Variants in TM9SF4 observed in about 807,000 individuals in gnomAD.
TM9SF4 encodes the protein transmembrane 9 superfamily member 4.
Under a neutral mutation model 90.4 loss-of-function variants are expected in TM9SF4, and 26 were observed. The ratio of observed to expected loss-of-function variants is 0.29; its 90% confidence interval spans 0.21 to 0.40. The LOEUF (loss-of-function observed/expected upper bound fraction) is 0.40. Ranked by LOEUF, TM9SF4 falls within the 10% of genes least tolerant of loss-of-function variation. The pLI, the probability that TM9SF4 is intolerant of heterozygous loss-of-function variation, is 1.00. For synonymous variants in TM9SF4, 293 were observed against 315.4 expected (o/e 0.93, Z 0.75); for missense variants, 549 against 834.8 (o/e 0.66, Z 4.22).
intron 1 of TM9SF4, among the ~76,000 whole-genome samples, chr20:32,125,515 G>A (rs998535768): frequency 6.6e-6 from 1 of 152,060 alleles, no homozygotes; most frequent in Non-Finnish European, 1.5e-5. Flanking sequence ...TGCTAGAAGT[G>A]CACATTCTCA....
Position 32,151,492 on chromosome 20 carries a change from G to A in TM9SF4, c.1245+617G>A, listed in dbSNP as rs111681328. 1.4e-3 allele frequency among the ~76,000 whole-genome samples: 213 copies of A among 152,258 alleles called. 1 individual carries two copies. Among genetic ancestry groups the A allele is most frequent in the African/African-American group, 4.8e-3 (201 of 41,546 alleles). On this transcript the variant is annotated intron_variant, in intron 12 of 17. Coordinates refer to ENST00000398022, the MANE Select transcript of TM9SF4 (RefSeq NM_014742.4). ...GAAGACTCTTGGGTGCCCACACTCA[G>A]AGAAGTCTCTGGGCCCAGGATTCTG... is the stretch of plus-strand genomic sequence containing the variant.
intron 1 of TM9SF4, among the ~76,000 whole-genome samples, chr20:32,111,968 T>C (rs2046149257): frequency 1.3e-5 from 2 of 152,228 alleles, no homozygotes; most frequent in African/African-American, 4.8e-5. Context: ...TTTTGTTGTC[T>C]GTGGATTGCA....
At position 32,157,835 on chromosome 20, in the gene TM9SF4, C is replaced by T. The variant is rs757991410; in HGVS notation, c.1371C>T (p.Phe457=). The stretch of plus-strand genomic sequence containing the variant: ...TGGTGGCTCTGCTGTGCATGTGGTT[C>T]GGGATCTCCCTGCCCCTCGTCTACT... The part of the protein sequence containing the change: ...PTMVALLCMW[F]GISLPLVYLG... Residue 457 remains phenylalanine, a synonymous_variant, in exon 14 of 18, where the codon TTC becomes TTT. Transcript: ENST00000398022. 34 of 1,614,030 alleles carry T rather than the reference C, an allele frequency of 2.1e-5. No individual in the cohort carries two copies. Among genetic ancestry groups the T allele is most frequent in the African/African-American group, 4.0e-5 (3 of 74,900 alleles).
At chr20:32,121,466 C>A (rs572528494) in intron 1 of TM9SF4, among the ~76,000 whole-genome samples, 173 of 152,082 alleles carry the variant, frequency 1.1e-3, no homozygotes, top group African/African-American at 4.0e-3. Flanking sequence ...CGCCCTTAAT[C>A]CATTTAACTC....
intron 1 of TM9SF4, among the ~76,000 whole-genome samples, chr20:32,121,468 A>G (rs1460983622): frequency 7.2e-5 from 11 of 151,982 alleles, no homozygotes; most frequent in African/African-American, 2.7e-4. Flanking sequence ...CCCTTAATCC[A>G]TTTAACTCTG....
intron 7 of TM9SF4, 32 bp from the exon 8 acceptor site, chr20:32,145,280 C>G: frequency 1.9e-6 from 3 of 1,613,086 alleles, no homozygotes; most frequent in Non-Finnish European, 2.5e-6. Context: ...CAGCAGGATG[C>G]CTGACTCTAA....
At position 32,143,208 on chromosome 20, in the gene TM9SF4, G is replaced by A. The variant is rs372329442; in HGVS notation, c.652+103G>A. The A allele has an allele frequency of 6.9e-4, 995 of 1,432,658 alleles. 10 individuals carry two copies. The South Asian group carries it at 7.4e-3, about 11-fold the overall frequency. 88.7% of individuals were successfully genotyped at this position (1,432,658 alleles called of 1,614,324 possible). ...CCCTCCTGAGCTGGCCGATGGGCTC[G>A]GGTGTGGCGTGTGGGCCCAGCCAAG... On this transcript the variant is annotated intron_variant, in intron 6 of 17. Coordinates refer to ENST00000398022, the MANE Select transcript of TM9SF4 (RefSeq NM_014742.4).
intron 8 of TM9SF4, 39 bp downstream of exon 8, chr20:32,145,462 T>G: frequency 1.3e-6 from 2 of 1,571,036 alleles, no homozygotes; most frequent in Non-Finnish European, 1.8e-6. Context: ...GGATGGGGGT[T>G]GGGGTTGAGG....
At chr20:32,124,065 T>C (rs1382448202) in intron 1 of TM9SF4, among the ~76,000 whole-genome samples, 1 of 151,822 alleles carries the variant, frequency 6.6e-6, no homozygotes, top group Non-Finnish European at 1.5e-5. Flanking sequence ...GGTCTCACTA[T>C]TTTGTCCAGG....
At chr20:32,146,934 A>G in intron 9 of TM9SF4, 79 bp downstream of exon 9, 2 of 1,329,320 alleles carry the variant, frequency 1.5e-6, no homozygotes, top group Non-Finnish European at 2.1e-6. Context: ...GTTTGTGTAT[A>G]TTATCATTCA....
intron 2 of TM9SF4, among the ~76,000 whole-genome samples, chr20:32,133,891 T>A (rs1196711458): frequency 6.6e-6 from 1 of 152,032 alleles, no homozygotes; most frequent in African/African-American, 2.4e-5. Context: ...ACTGCAGCTT[T>A]GACCTCCCAG....
chr20:32,154,020 C>A (rs559206211), intron 12 of TM9SF4, among the ~76,000 whole-genome samples: 3 of 152,174 alleles, frequency 2.0e-5, no homozygotes, highest in African/African-American at 4.8e-5. Flanking sequence ...TCCAGACTTG[C>A]GTGAGGATTA....
At position 32,165,696 on chromosome 20, in the gene TM9SF4, T is replaced by A; in HGVS notation, c.*252T>A. ...TGCTTTTTCTTCAGTGCTAAGAAAG[T>A]TCCCTCCAACAGGAACTCTCTGACC... On this transcript the variant is annotated 3_prime_UTR_variant, in exon 18 of 18. Transcript: ENST00000398022. 1 of 477,208 alleles carries A rather than the reference T, an allele frequency of 2.1e-6. No homozygotes were observed. Among genetic ancestry groups the A allele is most frequent in the Non-Finnish European group, 3.8e-6 (1 of 262,340 alleles). The allele number at this position is 477,208 out of a possible 1,614,324, so 29.6% of individuals were successfully genotyped here.
chr20:32,110,522 G>T (rs570601280), intron 1 of TM9SF4, among the ~76,000 whole-genome samples: 1 of 152,292 alleles, frequency 6.6e-6, no homozygotes, highest in East Asian at 1.9e-4. Flanking sequence ...ATTCCATAGG[G>T]CTAGGTGATG....
At chr20:32,152,330 A>G (rs1438681059) in intron 12 of TM9SF4, among the ~76,000 whole-genome samples, 2 of 150,934 alleles carry the variant, frequency 1.3e-5, no homozygotes, top group Non-Finnish European at 3.0e-5. Context: ...TGGATCCTAC[A>G]TCAAACCCAG....
At chr20:32,138,989 C>G (rs559449584) in intron 3 of TM9SF4, among the ~76,000 whole-genome samples, 1 of 152,358 alleles carries the variant, frequency 6.6e-6, no homozygotes, top group East Asian at 1.9e-4. Flanking sequence ...ACTGTGTCCT[C>G]GCTCTTCACT....
At position 32,154,981 on chromosome 20, in the gene TM9SF4, T is replaced by A. The variant is rs987664959; in HGVS notation, c.1246-122T>A. ...GTCAGGGAATACTTTCTGGAAGGAA[T>A]GATGCTTGAGCAGAGTCTGAAAGAC... On this transcript the variant is annotated intron_variant, in intron 12 of 17. Transcript: ENST00000398022. The A allele has an allele frequency of 6.7e-6, 5 of 743,808 alleles. No individual in the cohort carries two copies. In the African/African-American group the frequency reaches 8.6e-5, roughly 13 times the overall value. The allele number at this position is 743,808 out of a possible 1,614,324, so 46.1% of individuals were successfully genotyped here.
chr20:32,159,913 G>C, intron 15 of TM9SF4, 79 bp from the exon 16 acceptor site: 1 of 1,592,228 alleles, frequency 6.3e-7, no homozygotes, highest in East Asian at 2.2e-5. Flanking sequence ...GTCCACTCCT[G>C]CCCTTGTGAC....
At chr20:32,127,015 C>T (rs118077498) in intron 1 of TM9SF4, among the ~76,000 whole-genome samples, 2 of 152,038 alleles carry the variant, frequency 1.3e-5, no homozygotes, top group African/African-American at 2.4e-5. Context: ...ATTACAGGCA[C>T]GAGCCACCGC....
Sources: allele counts gnomAD v4.1 joint callset (sites outside exome capture counted in the v4.1 genomes callset), GRCh38; gene constraint gnomAD v4.1.1; transcripts MANE v1.5; gene names NCBI Gene and HGNC (gene_info 2026-07-23, HGNC 2026-07-21).